The following BCAR3 variants were observed in gnomAD, a reference collection of about 807,000 sequenced individuals.
The protein encoded by BCAR3 is breast cancer anti-estrogen resistance protein 3.
BCAR3 carries 37 observed loss-of-function variants against 80.1 expected under a neutral mutation model. That is an observed-to-expected ratio of 0.46 (90% CI 0.36 to 0.61). The LOEUF (loss-of-function observed/expected upper bound fraction) is 0.61, where lower values mean the gene tolerates loss of function less well. Ranked by LOEUF, BCAR3 falls within the 20% of genes least tolerant of loss-of-function variation. BCAR3 has a pLI of 0.00. For synonymous variants in BCAR3, 389 were observed against 418.9 expected, an observed-to-expected ratio of 0.93 and a Z score of 0.87; for missense variants, 978 against 1,068.2, an observed-to-expected ratio of 0.92 and a Z score of 1.18.
chr1:93,843,336 T>C (rs1354932930), intron 2 of BCAR3, among the ~76,000 whole-genome samples: 1 of 152,262 alleles, frequency 6.6e-6, no homozygotes, highest in African/African-American at 2.4e-5. Flanking sequence ...CCTTTGTTTC[T>C]GCAGGATGTG....
At chr1:93,692,755 G>A (rs1649240243) in intron 3 of BCAR3, among the ~76,000 whole-genome samples, 1 of 152,172 alleles carries the variant, frequency 6.6e-6, no homozygotes, top group African/African-American at 2.4e-5. Flanking sequence ...GGAGAGTTTG[G>A]GGTTGATTGC....
chr1:93,769,188 C>A (rs182957278), intron 2 of BCAR3, among the ~76,000 whole-genome samples: 22 of 152,306 alleles, frequency 1.4e-4, no homozygotes, highest in Admixed American at 1.4e-3. Flanking sequence ...GGCTGCAACT[C>A]CCTGAACTAA....
Position 93,576,039 on chromosome 1 carries a change from G to T in BCAR3, c.1777C>A (p.Gln593Lys). 4.3e-6 allele frequency: 7 copies of T among 1,614,132 alleles called. No homozygotes were observed. The highest frequency in any genetic ancestry group is 5.9e-6 in the Non-Finnish European group (7 of 1,180,024). ...CTTTCAATTATGTCCAGGCGCAGCT[G>T]GTGTCCGTGAGGCAAGGTAATGAGT... ...LELITLPHGHQLRLDIIERHN... is the reference protein window; with the variant it reads ...LELITLPHGHKLRLDIIERHN... The change falls in exon 8 of 12, where the codon CAG becomes AAG. Residue 593 changes from glutamine to lysine, a missense_variant. Physicochemically the swap from Gln to Lys is moderately conservative, Grantham distance 53. Coordinates refer to ENST00000260502, the MANE Select transcript of BCAR3 (RefSeq NM_003567.4).
At chr1:93,836,408 C>CA in intron 2 of BCAR3, among the ~76,000 whole-genome samples, 1 of 151,486 alleles carries the variant, frequency 6.6e-6, no homozygotes, top group South Asian at 2.1e-4. Flanking sequence ...GACCTCGTGT[C>CA]TTCCATTTAA....
intron 3 of BCAR3, among the ~76,000 whole-genome samples, chr1:93,627,243 T>C (rs1212086973): frequency 6.6e-6 from 1 of 152,210 alleles, no homozygotes; most frequent in Non-Finnish European, 1.5e-5. Flanking sequence ...AAATGGCCAA[T>C]GCATGATGAT....
intron 5 of BCAR3, chr1:93,584,889 G>A (rs781370933): frequency 9.8e-6 from 8 of 815,248 alleles, no homozygotes; most frequent in Non-Finnish European, 1.2e-5. Context: ...CACTGCACCA[G>A]CCAAGTTGTT....
intron 2 of BCAR3, among the ~76,000 whole-genome samples, 179 bp downstream of exon 2, chr1:93,674,435 T>C (rs1440898911): frequency 6.6e-6 from 1 of 152,140 alleles, no homozygotes; most frequent in Non-Finnish European, 1.5e-5. Context: ...TTTGTATTTT[T>C]AGTATAGACA....
At chr1:93,758,866 A>G (rs1651835939) in intron 2 of BCAR3, among the ~76,000 whole-genome samples, 2 of 152,186 alleles carry the variant, frequency 1.3e-5, no homozygotes, top group South Asian at 4.1e-4. Flanking sequence ...AGAGAACCGA[A>G]TAGGAGAAAA....
intron 3 of BCAR3, among the ~76,000 whole-genome samples, chr1:93,625,524 A>G (rs920850316): frequency 4.6e-5 from 7 of 152,206 alleles, no homozygotes; most frequent in Non-Finnish European, 1.0e-4. Context: ...GAAACAGTCC[A>G]TCAGTTTCCT....
intron 4 of BCAR3, among the ~76,000 whole-genome samples, chr1:93,589,684 T>C (rs1177658235): frequency 6.6e-6 from 1 of 152,236 alleles, no homozygotes; most frequent in Non-Finnish European, 1.5e-5. Context: ...GCCCACCTTA[T>C]GGAGCTCCTG....
At chr1:93,708,505 A>G (rs1649903489) in intron 2 of BCAR3, among the ~76,000 whole-genome samples, 1 of 152,190 alleles carries the variant, frequency 6.6e-6, no homozygotes, top group Admixed American at 6.5e-5. Context: ...TTCTGTCCCC[A>G]TATTTTTGTC....
At chr1:93,618,337 A>G (rs1255451244) in intron 3 of BCAR3, among the ~76,000 whole-genome samples, 1 of 152,230 alleles carries the variant, frequency 6.6e-6, no homozygotes, top group African/African-American at 2.4e-5. Flanking sequence ...CAGTTTCCCC[A>G]GATTCCTCAA....
At chr1:93,789,778 T>C (rs1653078404) in intron 2 of BCAR3, among the ~76,000 whole-genome samples, 1 of 152,240 alleles carries the variant, frequency 6.6e-6, no homozygotes, top group African/African-American at 2.4e-5. Context: ...CCTTGTTTTA[T>C]GCTAATGTAT....
upstream of BCAR3, among the ~76,000 whole-genome samples, chr1:93,682,533 C>A (rs1648829809): frequency 6.6e-6 from 1 of 152,146 alleles, no homozygotes; most frequent in Non-Finnish European, 1.5e-5. Context: ...AACTGAATCC[C>A]CCCATCCCCA....
At chr1:93,770,261 C>A (rs1652308623) in intron 2 of BCAR3, among the ~76,000 whole-genome samples, 1 of 152,024 alleles carries the variant, frequency 6.6e-6, no homozygotes, top group Admixed American at 6.6e-5. Flanking sequence ...CCTGTCCCCA[C>A]CATAAGGACT....
chr1:93,674,619 G>A lies in BCAR3; in HGVS notation c.312C>T (p.Thr104=), dbSNP rs1648375911. The change falls in exon 2 of 12, where the codon ACC becomes ACT. Residue 104 remains threonine (T), a synonymous_variant. Coordinates refer to ENST00000260502, the MANE Select transcript of BCAR3 (RefSeq NM_003567.4). Reference sequence around the variant, plus strand: ...AGTGAAATTACAGAAGTTACCTGAAGGTGAAGGTTTCGCCGTGCCGGTCCT... The same window carrying A: ...AGTGAAATTACAGAAGTTACCTGAAAGTGAAGGTTTCGCCGTGCCGGTCCT... ...PWQDRHGETF[T]FRDPHLLDPT... 5 of 1,612,452 alleles carry A rather than the reference G, an allele frequency of 3.1e-6. No individual in the cohort carries two copies. The highest frequency in any genetic ancestry group is 2.2e-5 in the East Asian group (1 of 44,860).
At chr1:93,705,295 T>C (rs990652909) in intron 3 of BCAR3, among the ~76,000 whole-genome samples, 2 of 152,192 alleles carry the variant, frequency 1.3e-5, no homozygotes, top group South Asian at 2.1e-4. Flanking sequence ...CAATTTACCC[T>C]GTGACATTGA....
intron 2 of BCAR3, among the ~76,000 whole-genome samples, chr1:93,728,805 G>A (rs879575833): frequency 3.3e-5 from 5 of 152,148 alleles, no homozygotes; most frequent in South Asian, 2.1e-4. Context: ...AGCCATCTGT[G>A]TGTCTGCCTG....
At chr1:93,712,976 C>T (rs753485601) in intron 2 of BCAR3, among the ~76,000 whole-genome samples, 2 of 152,216 alleles carry the variant, frequency 1.3e-5, no homozygotes, top group South Asian at 2.1e-4. Flanking sequence ...TTACCACCTT[C>T]ATCCTCAGCT....
Sources: allele counts gnomAD v4.1 joint callset (sites outside exome capture counted in the v4.1 genomes callset), GRCh38; gene constraint gnomAD v4.1.1; transcripts MANE v1.5; gene names NCBI Gene and HGNC (gene_info 2026-07-23, HGNC 2026-07-21).